The following DLC1 variants were observed in gnomAD, a reference collection of about 807,000 sequenced individuals.
DLC1 encodes the protein rho GTPase-activating protein 7.
A neutral mutation model predicts 140.3 loss-of-function variants in DLC1; 54 were observed. That is an observed-to-expected ratio of 0.38 (90% confidence interval 0.31 to 0.48). DLC1 has a LOEUF of 0.48. Ranked by LOEUF, DLC1 falls within the 20% of genes least tolerant of loss-of-function variation. The pLI is 0.96. For synonymous variants in DLC1, 986 were observed against 728.1 expected (o/e 1.35, Z -5.70); for missense variants, 2,536 against 1,907.0 (o/e 1.33, Z -6.14).
intron 5 of DLC1, among the ~76,000 whole-genome samples, chr8:13,254,845 C>A (rs537088241): frequency 7.2e-5 from 11 of 152,230 alleles, no homozygotes; most frequent in East Asian, 1.9e-4. Context: ...TTTAGTTTAA[C>A]AAATACTCAG....
chr8:13,137,363 C>G (rs1281782589), intron 5 of DLC1, among the ~76,000 whole-genome samples: 1 of 152,152 alleles, frequency 6.6e-6, no homozygotes, highest in East Asian at 1.9e-4. Context: ...AGATGCTAAA[C>G]TAAGAGGCAG....
intron 5 of DLC1, among the ~76,000 whole-genome samples, chr8:13,130,010 C>T (rs1821944514): frequency 6.6e-6 from 1 of 152,146 alleles, no homozygotes; most frequent in Non-Finnish European, 1.5e-5. Flanking sequence ...CCATCCTGTC[C>T]AGCACAAGGC....
intron 5 of DLC1, among the ~76,000 whole-genome samples, chr8:13,284,741 AGAAAT>A (rs1328129046): frequency 1.3e-5 from 2 of 152,164 alleles, no homozygotes; most frequent in African/African-American, 4.8e-5. Flanking sequence ...TTCACATACT[AGAAAT>A]GAACAGTTCA....
At chr8:13,453,420 A>ATTTTTTTTTTTTTTTTTTTTTTTTT (rs1218533007) in intron 2 of DLC1, among the ~76,000 whole-genome samples, 6 of 22,726 alleles carry the variant, frequency 2.6e-4, no homozygotes, top group Non-Finnish European at 4.0e-4. Flanking sequence ...ATATATATAT[A>ATTTTTTTTTTTTTTTTTTTTTTTTT]TATGTGTATA....
intron 5 of DLC1, among the ~76,000 whole-genome samples, chr8:13,159,836 C>T (rs1465446730): frequency 6.8e-6 from 1 of 146,094 alleles, no homozygotes; most frequent in African/African-American, 2.6e-5. Context: ...TGGATGGAGG[C>T]ATGGAGTGGA....
intron 2 of DLC1, among the ~76,000 whole-genome samples, chr8:13,421,081 A>C (rs565549076): frequency 3.0e-4 from 45 of 152,312 alleles, no homozygotes; most frequent in African/African-American, 1.1e-3. Flanking sequence ...CATAGCTGTA[A>C]TTCCTCGTTA....
chr8:13,403,342 T>G (rs1837382008), intron 2 of DLC1, among the ~76,000 whole-genome samples: 1 of 152,216 alleles, frequency 6.6e-6, no homozygotes, highest in African/African-American at 2.4e-5. Context: ...TTCAAAGAAG[T>G]GTTATTGATA....
At chr8:13,406,447 A>G (rs989383421) in intron 2 of DLC1, among the ~76,000 whole-genome samples, 1 of 152,192 alleles carries the variant, frequency 6.6e-6, no homozygotes, top group African/African-American at 2.4e-5. Flanking sequence ...AAAAAAGTTT[A>G]TAGTGTCAAA....
intron 4 of DLC1, chr8:13,340,068 G>C (rs904197438): frequency 6.6e-6 from 1 of 152,390 alleles, no homozygotes; most frequent in Admixed American, 6.5e-5. Context: ...GGGTGGGCTT[G>C]GGCGTTAGGG....
intron 5 of DLC1, among the ~76,000 whole-genome samples, chr8:13,225,112 T>C (rs1433470129): frequency 6.6e-6 from 1 of 152,228 alleles, no homozygotes; most frequent in Non-Finnish European, 1.5e-5. Context: ...GAAATGTCTG[T>C]TCCCTCCTTG....
intron 1 of DLC1, among the ~76,000 whole-genome samples, chr8:13,510,224 G>C (rs1348718626): frequency 6.7e-6 from 1 of 149,530 alleles, no homozygotes; most frequent in South Asian, 2.1e-4. Flanking sequence ...GCCCAGTCTG[G>C]AGTGTGATGG....
chr8:13,418,503 G>T (rs529115590), intron 2 of DLC1, among the ~76,000 whole-genome samples: 3 of 152,116 alleles, frequency 2.0e-5, no homozygotes, highest in South Asian at 2.1e-4. Flanking sequence ...TTTGTCACAT[G>T]TGTCAAAGAT....
At chr8:13,208,737 TAC>T (rs1365174199) in intron 5 of DLC1, among the ~76,000 whole-genome samples, 1 of 104,430 alleles carries the variant, frequency 9.6e-6, no homozygotes, top group Non-Finnish European at 1.8e-5. Context: ...CACACACACA[TAC>T]ACACAGACAC....
chr8:13,487,017 A>C (rs1336336251), intron 2 of DLC1, among the ~76,000 whole-genome samples: 1 of 152,086 alleles, frequency 6.6e-6, no homozygotes, highest in Non-Finnish European at 1.5e-5. Context: ...GGGTGAGGCA[A>C]ATTATCCACC....
At chr8:13,268,681 C>A (rs955460766) in intron 5 of DLC1, among the ~76,000 whole-genome samples, 3 of 152,040 alleles carry the variant, frequency 2.0e-5, no homozygotes, top group African/African-American at 2.4e-5. Flanking sequence ...CCTGGCCCAG[C>A]CTTGTTTGCA....
At chr8:13,221,726 G>GTGTATATATATA (rs952162614) in intron 5 of DLC1, among the ~76,000 whole-genome samples, 6 of 132,446 alleles carry the variant, frequency 4.5e-5, no homozygotes, top group African/African-American at 1.5e-4. Flanking sequence ...GTGTGTGTGT[G>GTGTATATATATA]TATATATATA....
At chr8:13,487,984 G>A (rs183633449) in intron 2 of DLC1, among the ~76,000 whole-genome samples, 78 of 152,178 alleles carry the variant, frequency 5.1e-4, no homozygotes, top group Middle Eastern at 3.4e-3. Context: ...AATACCTTTG[G>A]GGACCTCTTC....
rs1017548953 is a variant in DLC1, at chr8:13,595,148, G to A, written c.-126+9389C>T. Among the ~76,000 whole-genome samples, 23 of 151,966 alleles carry A rather than the reference G, an allele frequency of 1.5e-4. 4 individuals are homozygous for A. The highest frequency in any genetic ancestry group is 1.4e-3 in the Admixed American group (21 of 15,234). ...AATTATTGTTTTACTACAGTCACAA[G>A]CATTAAGATTACTAAAAATAATGGC... On this transcript the variant is annotated intron_variant, in intron 1 of 1. Transcript: ENST00000631382.
intron 4 of DLC1, among the ~76,000 whole-genome samples, chr8:13,370,443 C>T (rs961275240): frequency 6.6e-6 from 1 of 152,106 alleles, no homozygotes; most frequent in African/African-American, 2.4e-5. Context: ...GTGTGCTCAT[C>T]TCATGTCTAA....
Sources: allele counts gnomAD v4.1 joint callset (sites outside exome capture counted in the v4.1 genomes callset), GRCh38; gene constraint gnomAD v4.1.1; transcripts MANE v1.5; gene names NCBI Gene and HGNC (gene_info 2026-07-23, HGNC 2026-07-21).